Variants in CNTN5 observed in about 807,000 individuals in gnomAD.
The protein encoded by CNTN5 is contactin-5.
A neutral mutation model predicts 129.1 loss-of-function variants in CNTN5; 77 were observed. The observed-to-expected ratio is 0.60, with a 90% CI of 0.50 to 0.72. CNTN5 has a LOEUF of 0.72. Among genes scored for constraint, CNTN5 ranks in the 30% least tolerant of loss-of-function variants. CNTN5 has a pLI of 0.00. For missense variants in CNTN5, 1,478 were observed against 1,328.8 expected, an observed-to-expected ratio of 1.11 and a Z score of -1.75; for synonymous variants, 509 against 465.6, an observed-to-expected ratio of 1.09 and a Z score of -1.20.
intron 15 of CNTN5, among the ~76,000 whole-genome samples, chr11:100,222,226 C>A (rs756052002): frequency 6.6e-6 from 1 of 152,080 alleles, no homozygotes; most frequent in Non-Finnish European, 1.5e-5. Context: ...GATAGCTATG[C>A]CACAGGCTGT....
chr11:99,200,960 A>G (rs1206438120), intron 1 of CNTN5, among the ~76,000 whole-genome samples: 1 of 151,668 alleles, frequency 6.6e-6, no homozygotes, highest in Non-Finnish European at 1.5e-5. Flanking sequence ...TAACAACAGC[A>G]ACAAAAAAGT....
intron 9 of CNTN5, among the ~76,000 whole-genome samples, chr11:100,045,287 G>A (rs1942607218): frequency 6.6e-6 from 1 of 152,060 alleles, no homozygotes; most frequent in Admixed American, 6.6e-5. Context: ...AAGAATTTAG[G>A]TAAATGGACA....
intron 6 of CNTN5, among the ~76,000 whole-genome samples, chr11:99,880,499 G>A (rs905697792): frequency 4.6e-5 from 7 of 151,946 alleles, no homozygotes; most frequent in Non-Finnish European, 8.8e-5. Flanking sequence ...ACCAACTGGC[G>A]ATTAAAATAA....
At chr11:99,344,783 C>T (rs1035447095) in intron 2 of CNTN5, among the ~76,000 whole-genome samples, 11 of 152,110 alleles carry the variant, frequency 7.2e-5, no homozygotes, top group Non-Finnish European at 1.6e-4. Context: ...GGAGACCCAG[C>T]TAAGGGAGCA....
intron 8 of CNTN5, among the ~76,000 whole-genome samples, chr11:99,960,672 A>T (rs934889920): frequency 6.6e-6 from 1 of 152,176 alleles, no homozygotes; most frequent in Admixed American, 6.5e-5. Flanking sequence ...TCTGCTGTAC[A>T]AAAACAATTA....
chr11:99,341,854 C>G (rs1217911583), intron 2 of CNTN5, among the ~76,000 whole-genome samples: 2 of 151,858 alleles, frequency 1.3e-5, no homozygotes, highest in Non-Finnish European at 2.9e-5. Flanking sequence ...ATTTGCAATT[C>G]AAGAAAAATT....
At chr11:99,035,954 A>T (rs992429001) in intron 1 of CNTN5, among the ~76,000 whole-genome samples, 1 of 151,742 alleles carries the variant, frequency 6.6e-6, no homozygotes, top group Non-Finnish European at 1.5e-5. Flanking sequence ...GAGCTCTTTT[A>T]GGGCAGGCCT....
At chr11:100,204,295 CTAATAT>C (rs1455136973) in intron 15 of CNTN5, among the ~76,000 whole-genome samples, 46 of 27,704 alleles carry the variant, frequency 1.7e-3, no homozygotes, top group Admixed American at 7.7e-3. Context: ...CAAACATTGA[CTAATAT>C]ATATATATAT....
At chr11:100,289,740 G>C (rs1336554632) in intron 18 of CNTN5, among the ~76,000 whole-genome samples, 18 of 150,492 alleles carry the variant, frequency 1.2e-4, no homozygotes, top group African/African-American at 2.4e-4. Context: ...ATTCAACATA[G>C]TGTTGGAAGT....
At chr11:99,609,365 A>T (rs1950528199) in intron 3 of CNTN5, among the ~76,000 whole-genome samples, 1 of 152,170 alleles carries the variant, frequency 6.6e-6, no homozygotes, top group African/African-American at 2.4e-5. Context: ...TGAGCATCTG[A>T]CTAAGGAAGG....
chr11:99,813,620 A>G (rs1429854766), intron 3 of CNTN5, among the ~76,000 whole-genome samples: 1 of 152,156 alleles, frequency 6.6e-6, no homozygotes, highest in Non-Finnish European at 1.5e-5. Flanking sequence ...GAGGGAGTTG[A>G]TCATTTAAAG....
At chr11:99,930,918 G>A (rs1950178026) in intron 7 of CNTN5, among the ~76,000 whole-genome samples, 1 of 151,946 alleles carries the variant, frequency 6.6e-6, no homozygotes, top group African/African-American at 2.4e-5. Flanking sequence ...GGATATTGAA[G>A]GAAATGCTTG....
At chr11:99,409,152 T>G (rs2134998461) in intron 2 of CNTN5, among the ~76,000 whole-genome samples, 1 of 152,242 alleles carries the variant, frequency 6.6e-6, no homozygotes, top group Admixed American at 6.5e-5. Context: ...CAAAAAAGAG[T>G]TATTAGTCAC....
chr11:99,827,852 A>C (rs1947015139), intron 4 of CNTN5, among the ~76,000 whole-genome samples: 2 of 152,094 alleles, frequency 1.3e-5, no homozygotes, highest in Non-Finnish European at 2.9e-5. Flanking sequence ...TCTCTCGACT[A>C]TTTTTCTTTG....
At chr11:99,624,846 G>C (rs1380096177) in intron 3 of CNTN5, among the ~76,000 whole-genome samples, 1 of 152,090 alleles carries the variant, frequency 6.6e-6, no homozygotes, top group Non-Finnish European at 1.5e-5. Flanking sequence ...CCATCAGTCA[G>C]GAAGATAGAA....
At chr11:99,546,487 TAAAG>T (rs141791518) in intron 2 of CNTN5, among the ~76,000 whole-genome samples, 3,206 of 152,254 alleles carry the variant, frequency 0.021, 124 homozygotes, top group African/African-American at 0.073. Context: ...TTAGTTGTTA[TAAAG>T]AGTTACAGCC....
intron 9 of CNTN5, among the ~76,000 whole-genome samples, chr11:100,021,080 T>G (rs572602697): frequency 6.6e-6 from 1 of 152,268 alleles, no homozygotes; most frequent in Admixed American, 6.5e-5. Context: ...TTTTTAAAAT[T>G]TAGTTATTTA....
intron 7 of CNTN5, among the ~76,000 whole-genome samples, chr11:99,942,010 AACT>A: frequency 6.6e-6 from 1 of 152,202 alleles, no homozygotes; most frequent in Admixed American, 6.6e-5. Flanking sequence ...GGGCTTCATA[AACT>A]ACTTACTGGA....
chr11:100,140,255 A>G (rs1264737217), intron 13 of CNTN5, among the ~76,000 whole-genome samples: 1 of 152,150 alleles, frequency 6.6e-6, no homozygotes, highest in Non-Finnish European at 1.5e-5. Flanking sequence ...ATGGCTTTGT[A>G]TTTTTCTCCA....
Sources: allele counts gnomAD v4.1 joint callset (sites outside exome capture counted in the v4.1 genomes callset), GRCh38; gene constraint gnomAD v4.1.1; transcripts MANE v1.5; gene names NCBI Gene and HGNC (gene_info 2026-07-23, HGNC 2026-07-21).